ZNF385D: variants seen among roughly 807,000 people sequenced by gnomAD.
ZNF385D encodes the protein zinc finger protein 385D.
ZNF385D carries 15 observed loss-of-function variants against 35.8 expected under a neutral mutation model. The observed-to-expected ratio is 0.42, with a 90% CI of 0.28 to 0.64. The LOEUF (loss-of-function observed/expected upper bound fraction) is 0.64, where lower values mean the gene tolerates loss of function less well. ZNF385D is among the 30% of genes least tolerant of loss of function. The pLI, the probability that ZNF385D is intolerant of heterozygous loss-of-function variation, is 0.23. For synonymous variants in ZNF385D, 212 were observed against 186.8 expected (o/e 1.13, Z -1.10); for missense variants, 474 against 494.6 (o/e 0.96, Z 0.39).
rs1196393793 is a variant in ZNF385D at position 21,767,067 on chromosome 3, C to T, written c.326-102039G>A. ...TTAAATAATGTGCGTACAACCCCCC[C>T]ACCCACCCTCACACACACATGTGCA... On this transcript the variant is annotated intron_variant, in intron 3 of 5. Coordinates refer to the ZNF385D transcript ENST00000494108. Among the ~76,000 whole-genome samples, 4 of 149,180 alleles carry T rather than the reference C, an allele frequency of 2.7e-5. No individual in the cohort carries two copies. In the East Asian group the frequency reaches 8.4e-4, roughly 31 times the overall value.
chr3:22,174,786 A>T (rs1002105906), intron 2 of ZNF385D, among the ~76,000 whole-genome samples: 1 of 152,162 alleles, frequency 6.6e-6, no homozygotes, highest in African/African-American at 2.4e-5. Context: ...ATTTCATTAC[A>T]AAGTCAAAAT....
intron 3 of ZNF385D, among the ~76,000 whole-genome samples, chr3:21,839,875 G>C (rs2125784122): frequency 6.6e-6 from 1 of 152,132 alleles, no homozygotes. Context: ...GGAGGGGTCA[G>C]AAATTGCCTC....
intron 3 of ZNF385D, among the ~76,000 whole-genome samples, chr3:21,515,122 G>A (rs1394645753): frequency 6.6e-6 from 1 of 152,090 alleles, no homozygotes; most frequent in African/African-American, 2.4e-5. Context: ...TGAAGTTTCA[G>A]TAGATAAAAA....
chr3:21,946,376 A>T (rs923871577), intron 3 of ZNF385D, among the ~76,000 whole-genome samples: 1 of 152,198 alleles, frequency 6.6e-6, no homozygotes, highest in Non-Finnish European at 1.5e-5. Context: ...AGCAGTCTAC[A>T]TGGAGTCACC....
At chr3:21,448,819 G>A (rs533789681) in intron 4 of ZNF385D, among the ~76,000 whole-genome samples, 3 of 151,576 alleles carry the variant, frequency 2.0e-5, no homozygotes, top group Non-Finnish European at 4.4e-5. Flanking sequence ...ATTCCCATTA[G>A]CTATCACACA....
intron 3 of ZNF385D, among the ~76,000 whole-genome samples, chr3:22,097,856 G>C (rs1046058536): frequency 4.6e-5 from 7 of 152,028 alleles, no homozygotes; most frequent in Non-Finnish European, 8.8e-5. Context: ...GTGGCTTGGA[G>C]TCTTTACGGC....
chr3:21,798,808 A>G (rs2072269870), intron 3 of ZNF385D, among the ~76,000 whole-genome samples: 1 of 152,216 alleles, frequency 6.6e-6, no homozygotes, highest in African/African-American at 2.4e-5. Flanking sequence ...TATTTTATAA[A>G]GTAAAATTTG....
intron 3 of ZNF385D, among the ~76,000 whole-genome samples, chr3:21,914,925 TA>T (rs200010454): frequency 2.4e-3 from 332 of 137,388 alleles, no homozygotes; most frequent in Middle Eastern, 3.8e-3. Flanking sequence ...AAAAATTCAG[TA>T]AAAAAAAAAA....
rs989036392 is a variant in ZNF385D, at chr3:22,205,584, A to G, written c.107-36549T>C. ...CAATAAGATATAAATAGAAATAACAAAAAGTTAAAAAGCAGGGGAATGAAG... is the reference window on the plus strand; with the variant it reads ...CAATAAGATATAAATAGAAATAACAGAAAGTTAAAAAGCAGGGGAATGAAG... On this transcript the variant is annotated intron_variant, in intron 2 of 5. Coordinates refer to the ZNF385D transcript ENST00000494108. Among the ~76,000 whole-genome samples, 6 of 152,114 alleles carry G rather than the reference A, an allele frequency of 3.9e-5. No individual in the cohort carries two copies. The East Asian group carries it at 1.2e-3, about 29-fold the overall frequency.
At chr3:22,205,354 A>G (rs756436534) in intron 2 of ZNF385D, among the ~76,000 whole-genome samples, 2 of 152,004 alleles carry the variant, frequency 1.3e-5, no homozygotes, top group East Asian at 3.9e-4. Flanking sequence ...GACCTGTGCT[A>G]TAAGAAATGC....
intron 2 of ZNF385D, among the ~76,000 whole-genome samples, chr3:22,207,210 T>G (rs1697213799): frequency 6.6e-6 from 1 of 151,850 alleles, no homozygotes; most frequent in African/African-American, 2.4e-5. Flanking sequence ...TGCAGTAGGT[T>G]GGTACTGGCA....
At chr3:21,801,855 C>A (rs916414430) in intron 3 of ZNF385D, among the ~76,000 whole-genome samples, 1 of 152,118 alleles carries the variant, frequency 6.6e-6, no homozygotes, top group Non-Finnish European at 1.5e-5. Flanking sequence ...TACTCTCTGT[C>A]TGTGTAATAC....
chr3:22,042,981 A>G (rs548573063), intron 3 of ZNF385D, among the ~76,000 whole-genome samples: 1 of 152,152 alleles, frequency 6.6e-6, no homozygotes, highest in African/African-American at 2.4e-5. Context: ...TCATTTTTGA[A>G]TCTTATTAAC....
At chr3:21,815,885 G>A (rs1315010956) in intron 3 of ZNF385D, among the ~76,000 whole-genome samples, 2 of 152,024 alleles carry the variant, frequency 1.3e-5, no homozygotes, top group African/African-American at 2.4e-5. Context: ...AAAAAAAAGA[G>A]AATTTTAGAC....
At chr3:21,804,218 A>T (rs1374254376) in intron 3 of ZNF385D, among the ~76,000 whole-genome samples, 4 of 152,212 alleles carry the variant, frequency 2.6e-5, no homozygotes, top group Admixed American at 2.0e-4. Flanking sequence ...TTTAGTAAAA[A>T]GAACAGTATT....
Position 21,474,696 on chromosome 3 carries a change from A to G in ZNF385D, c.439+36165T>C, listed in dbSNP as rs1250358632. Among the ~76,000 whole-genome samples the G allele has an allele frequency of 2.6e-5, 4 of 152,138 alleles. No individual in the cohort carries two copies. In the East Asian group the frequency reaches 7.7e-4, roughly 29 times the overall value. On this transcript the variant is annotated intron_variant, in intron 4 of 7. Coordinates refer to ENST00000281523, the MANE Select transcript of ZNF385D (RefSeq NM_024697.3). ...AGAAAACTGAATAATAATTTTGGAT[A>G]CTTAAATATGTATCAAATATTTTCT...
At chr3:22,372,555 T>G in exon 2 of ZNF385D, 9 of 985,766 alleles carry the variant, frequency 9.1e-6, no homozygotes, top group Non-Finnish European at 1.1e-5. Flanking sequence ...GGCCCTGGCA[T>G]CCGGGAGGAG....
intron 3 of ZNF385D, among the ~76,000 whole-genome samples, chr3:21,866,345 T>G (rs146839494): frequency 0.07 from 10,642 of 152,088 alleles, 546 homozygotes; most frequent in East Asian, 0.21. Context: ...TCGCAGCTAC[T>G]TGGGAGGCTG....
chr3:21,572,289 T>G (rs892226279), intron 2 of ZNF385D, among the ~76,000 whole-genome samples: 1 of 152,210 alleles, frequency 6.6e-6, no homozygotes, highest in Non-Finnish European at 1.5e-5. Flanking sequence ...GTACTTTTGA[T>G]ACATAATTTT....
Sources: gnomAD v4.1 joint callset for allele counts (sites outside exome capture counted in the v4.1 genomes callset) on GRCh38, gnomAD v4.1.1 for gene constraint, MANE v1.5 for transcripts, NCBI Gene and HGNC (gene_info 2026-07-23, HGNC 2026-07-21) for gene names.